SH3BP4: variants seen among roughly 807,000 people sequenced by gnomAD.
The protein encoded by SH3BP4 is SH3 domain binding protein 4, also known as SH3 domain-binding protein 4.
Under a neutral mutation model 65.5 loss-of-function variants are expected in SH3BP4, and 33 were observed. The observed-to-expected ratio is 0.50, with a 90% CI of 0.38 to 0.67. The LOEUF (loss-of-function observed/expected upper bound fraction) is 0.67. Among genes scored for constraint, SH3BP4 ranks in the 30% least tolerant of loss-of-function variants. The probability of loss-of-function intolerance (pLI) is 0.00; values close to 1 mark genes in which losing one functional copy is unlikely to be tolerated. For synonymous variants in SH3BP4, 552 were observed against 545.5 expected, an observed-to-expected ratio of 1.01 and a Z score of -0.17; for missense variants, 1,134 against 1,261.4, an observed-to-expected ratio of 0.90 and a Z score of 1.53.
At chr2:235,014,950 T>C (rs1694641331) in intron 2 of SH3BP4, among the ~76,000 whole-genome samples, 1 of 152,226 alleles carries the variant, frequency 6.6e-6, no homozygotes, top group African/African-American at 2.4e-5. Flanking sequence ...CCTGACCTGG[T>C]GGCATTTAGG....
At position 235,026,537 on chromosome 2, in the gene SH3BP4, C is replaced by G. The variant is rs1695007263; in HGVS notation, c.-132-8334C>G. Among the ~76,000 whole-genome samples, 1 of 152,166 alleles carries G rather than the reference C, an allele frequency of 6.6e-6. No individual in the cohort carries two copies. The highest frequency in any genetic ancestry group is 1.5e-5 in the Non-Finnish European group (1 of 68,040). On this transcript the variant is annotated intron_variant, in intron 2 of 5. Transcript: ENST00000392011. This position sits in a 1 kb window ranked among gnomAD's most constrained non-coding sequence, Gnocchi z 4.6. ...GATTTGTCTCCAATACGGGTTCCCT[C>G]AAAACCAACTCTCTTCCATTTATTT...
At chr2:235,003,941 C>T (rs188925526) in intron 2 of SH3BP4, among the ~76,000 whole-genome samples, 82 of 152,292 alleles carry the variant, frequency 5.4e-4, no homozygotes, top group African/African-American at 1.8e-3. Flanking sequence ...GCCCTAGGTA[C>T]CTGCCCTCTG....
intron 2 of SH3BP4, among the ~76,000 whole-genome samples, chr2:235,028,335 G>A (rs779368902): frequency 2.6e-5 from 4 of 152,178 alleles, no homozygotes; most frequent in Non-Finnish European, 4.4e-5. Flanking sequence ...CTGAGTAGAC[G>A]GTGGTCAAGC....
chr2:234,993,276 A>G (rs936200793), intron 1 of SH3BP4, among the ~76,000 whole-genome samples: 1 of 152,130 alleles, frequency 6.6e-6, no homozygotes, highest in African/African-American at 2.4e-5. Context: ...CCCCCGCCTC[A>G]TTTCCTCACT....
chr2:234,975,019 A>G (rs1463266129), intron 1 of SH3BP4, among the ~76,000 whole-genome samples: 1 of 152,170 alleles, frequency 6.6e-6, no homozygotes, highest in East Asian at 1.9e-4. Context: ...GGCGGCAGGC[A>G]GCTGCCTTGC....
intron 1 of SH3BP4, among the ~76,000 whole-genome samples, chr2:234,984,572 T>C (rs1448073562): frequency 6.6e-6 from 1 of 152,144 alleles, no homozygotes; most frequent in Admixed American, 6.5e-5. Flanking sequence ...GTGTATCTTA[T>C]TAACAGAAGA....
intron 1 of SH3BP4, among the ~76,000 whole-genome samples, chr2:234,975,884 T>A (rs999378072): frequency 3.3e-5 from 5 of 152,004 alleles, no homozygotes; most frequent in African/African-American, 1.2e-4. Context: ...TCAAAAAAAA[T>A]AAAAAATAAA....
chr2:235,025,788 T>G (rs2106314778), intron 2 of SH3BP4, among the ~76,000 whole-genome samples: 1 of 152,328 alleles, frequency 6.6e-6, no homozygotes, highest in Non-Finnish European at 1.5e-5. Context: ...GACTTCCATT[T>G]GCAAAGGCAA....
chr2:234,984,187 G>A (rs1170221700), intron 1 of SH3BP4, among the ~76,000 whole-genome samples: 2 of 151,384 alleles, frequency 1.3e-5, no homozygotes, highest in African/African-American at 2.5e-5. Flanking sequence ...GCATATACAC[G>A]TGTATGAGTT....
At chr2:235,050,218 C>G (rs983737715) in intron 4 of SH3BP4, among the ~76,000 whole-genome samples, 2 of 152,124 alleles carry the variant, frequency 1.3e-5, no homozygotes, top group African/African-American at 4.8e-5. Flanking sequence ...CGGGTTCACG[C>G]CATTCTCCTG....
chr2:234,968,628 C>T (rs573560051), intron 1 of SH3BP4, among the ~76,000 whole-genome samples: 1 of 152,086 alleles, frequency 6.6e-6, no homozygotes, highest in South Asian at 2.1e-4. Flanking sequence ...TATTTCACGT[C>T]GCATGCCATG....
rs372244722 is a variant in SH3BP4, at chr2:234,959,837, A to C, written c.-207+7667A>C. On this transcript the variant is annotated intron_variant, in intron 1 of 5. Coordinates refer to ENST00000392011, the MANE Select transcript of SH3BP4 (RefSeq NM_014521.3). Reference sequence around the variant, plus strand: ...TGGCTAATTTTTGTGTTTTCAGTAGAGGTGGGGTTTTACCATGTTGGCCAG... The same window carrying C: ...TGGCTAATTTTTGTGTTTTCAGTAGCGGTGGGGTTTTACCATGTTGGCCAG... Among the ~76,000 whole-genome samples the C allele has an allele frequency of 2.1e-4, 32 of 152,138 alleles. No homozygotes were observed. In the East Asian group the frequency reaches 5.0e-3, roughly 24 times the overall value.
intron 2 of SH3BP4, among the ~76,000 whole-genome samples, chr2:234,999,978 T>C (rs1694047877): frequency 6.6e-6 from 1 of 152,212 alleles, no homozygotes; most frequent in African/African-American, 2.4e-5. Context: ...CATCCAAGTC[T>C]CAGAAGCAGC....
At chr2:235,036,682 G>T (rs1695390897) in intron 3 of SH3BP4, among the ~76,000 whole-genome samples, 1 of 146,240 alleles carries the variant, frequency 6.8e-6, no homozygotes, top group Non-Finnish European at 1.5e-5. Context: ...TTGAACCCAG[G>T]AGGCAGAGGT....
rs2106334014 is a variant in SH3BP4 at position 235,041,831 on chromosome 2, C to T, written c.1062C>T (p.Ile354=). Residue 354 remains isoleucine, a synonymous_variant, in exon 4 of 6, where the codon ATC becomes ATT. Coordinates refer to ENST00000392011, the MANE Select transcript of SH3BP4 (RefSeq NM_014521.3). This position sits in a 1 kb window ranked among gnomAD's most constrained non-coding sequence, Gnocchi z 6.0. ...TCGCCCCTGGGGAGACCCAGCAGAT[C>T]TCCATGAAAGCCCTGCTGGACCCCC... ...GHVAPGETQQ[I]SMKALLDPPL... The T allele has an allele frequency of 6.2e-7, 1 of 1,600,892 alleles. No individual in the cohort carries two copies. Among genetic ancestry groups the T allele is most frequent in the Non-Finnish European group, 8.5e-7 (1 of 1,172,570 alleles).
At chr2:234,965,960 T>C (rs910672121) in intron 1 of SH3BP4, among the ~76,000 whole-genome samples, 7 of 152,210 alleles carry the variant, frequency 4.6e-5, no homozygotes, top group African/African-American at 1.7e-4. Flanking sequence ...GAAGGGAATG[T>C]ACAAAAATAA....
chr2:235,005,856 G>A (rs1014419898), intron 2 of SH3BP4, among the ~76,000 whole-genome samples: 3 of 152,218 alleles, frequency 2.0e-5, no homozygotes, highest in Non-Finnish European at 4.4e-5. Context: ...AGCCCTGGCC[G>A]TCCCAGGGTC....
chr2:234,961,134 G>A (rs1692698385), intron 1 of SH3BP4, among the ~76,000 whole-genome samples: 2 of 152,176 alleles, frequency 1.3e-5, no homozygotes, highest in South Asian at 4.1e-4. Flanking sequence ...ACATCTTTGA[G>A]GCTCAGCCTT....
chr2:234,972,520 T>A (rs966713398), intron 1 of SH3BP4, among the ~76,000 whole-genome samples: 1 of 151,874 alleles, frequency 6.6e-6, no homozygotes, highest in African/African-American at 2.4e-5. Flanking sequence ...AGCCCATCAG[T>A]CTGAGACCAG....
Sources: allele counts gnomAD v4.1 joint callset (sites outside exome capture counted in the v4.1 genomes callset), GRCh38; gene constraint gnomAD v4.1.1; non-coding constraint Gnocchi (gnomAD v3.1); transcripts MANE v1.5; gene names NCBI Gene and HGNC (gene_info 2026-07-23, HGNC 2026-07-21).